The following SNTG1 variants were observed in gnomAD, a reference collection of about 807,000 sequenced individuals.
SNTG1 encodes the protein syntrophin gamma 1, also known as gamma-1-syntrophin.
SNTG1 carries 39 observed loss-of-function variants against 74.7 expected under a neutral mutation model. The observed-to-expected ratio is 0.52, with a 90% CI of 0.40 to 0.68. SNTG1 has a LOEUF of 0.68. SNTG1 is among the 30% of genes least tolerant of loss of function. SNTG1 has a pLI of 0.00. For synonymous variants in SNTG1, 254 were observed against 217.1 expected (o/e 1.17, Z -1.49); for missense variants, 685 against 609.5 (o/e 1.12, Z -1.30).
At chr8:50,133,626 G>C (rs142665353) in intron 1 of SNTG1, among the ~76,000 whole-genome samples, 1 of 152,222 alleles carries the variant, frequency 6.6e-6, no homozygotes, top group African/African-American at 2.4e-5. Context: ...CCCCTTCCCA[G>C]CTTCCTCTGG....
chr8:50,282,090 A>G (rs2088492858), intron 2 of SNTG1, among the ~76,000 whole-genome samples: 2 of 152,244 alleles, frequency 1.3e-5, no homozygotes, highest in Middle Eastern at 3.4e-3. Context: ...GACAAATAAC[A>G]TCTCTGACCA....
chr8:50,052,576 G>T (rs946736755), intron 1 of SNTG1, among the ~76,000 whole-genome samples: 1 of 151,958 alleles, frequency 6.6e-6, no homozygotes, highest in African/African-American at 2.4e-5. Context: ...AGATAAGTTG[G>T]ATTTCATTAA....
In SNTG1 at chr8:50,240,781, A is replaced by G. The variant is rs138650102; in HGVS notation, c.-28+68146A>G. 1.6e-3 allele frequency among the ~76,000 whole-genome samples: 243 copies of G among 152,278 alleles called. 7 individuals carry two copies. Among genetic ancestry groups the G allele is most frequent in the Admixed American group, 0.013 (202 of 15,290 alleles). ...TAAACAAAGAAAATAAGTTTATATA[A>G]ACTAATGCTTAAACAAAGAAAACAA... On this transcript the variant is annotated intron_variant, in intron 2 of 18. Coordinates refer to ENST00000642720, the MANE Select transcript of SNTG1 (RefSeq NM_018967.5).
At chr8:50,769,907 A>T (rs2095623036) in intron 18 of SNTG1, among the ~76,000 whole-genome samples, 1 of 152,158 alleles carries the variant, frequency 6.6e-6, no homozygotes, top group Non-Finnish European at 1.5e-5. Flanking sequence ...TGAAGCAAGC[A>T]GTTTAGCAGA....
chr8:50,241,751 A>G (rs1388696387), intron 2 of SNTG1, among the ~76,000 whole-genome samples: 1 of 152,200 alleles, frequency 6.6e-6, no homozygotes, highest in Non-Finnish European at 1.5e-5. Context: ...ATTGATGAGC[A>G]GGGTTAATGA....
At chr8:50,207,076 C>T (rs1301296611) in intron 2 of SNTG1, among the ~76,000 whole-genome samples, 1 of 152,098 alleles carries the variant, frequency 6.6e-6, no homozygotes, top group Non-Finnish European at 1.5e-5. Flanking sequence ...TGATGCTGGC[C>T]TCATAAAATG....
chr8:50,568,778 G>T (rs763187678), intron 12 of SNTG1: 8 of 152,020 alleles, frequency 5.3e-5, no homozygotes, highest in African/African-American at 1.2e-4. Context: ...TCTTTACTTT[G>T]TTAATTGTTT....
chr8:50,258,106 C>T (rs1207512823), intron 2 of SNTG1, among the ~76,000 whole-genome samples: 2 of 152,176 alleles, frequency 1.3e-5, no homozygotes, highest in Non-Finnish European at 2.9e-5. Flanking sequence ...TAGCTAGTAA[C>T]AAATGAAACA....
chr8:50,729,369 A>G (rs1245215978), intron 17 of SNTG1, among the ~76,000 whole-genome samples: 1 of 152,234 alleles, frequency 6.6e-6, no homozygotes, highest in Non-Finnish European at 1.5e-5. Context: ...AATGGTAAGC[A>G]GATTTGCTGG....
intron 1 of SNTG1, among the ~76,000 whole-genome samples, chr8:50,001,734 G>A (rs1316568398): frequency 6.6e-6 from 1 of 152,182 alleles, no homozygotes; most frequent in East Asian, 1.9e-4. Context: ...TCAGGAAGTA[G>A]CACTCTGCTA....
At chr8:49,952,978 ATTTGTTG>A (rs2129393908) in intron 1 of SNTG1, among the ~76,000 whole-genome samples, 2 of 152,310 alleles carry the variant, frequency 1.3e-5, no homozygotes, top group Admixed American at 1.3e-4. Flanking sequence ...ATGTAGATAA[ATTTGTTG>A]CCTTCCATGC....
At chr8:50,101,120 T>G (rs564489351) in intron 1 of SNTG1, among the ~76,000 whole-genome samples, 5 of 152,290 alleles carry the variant, frequency 3.3e-5, no homozygotes, top group African/African-American at 1.2e-4. Context: ...CTCACTCTTT[T>G]TTATGGCTGC....
chr8:50,603,676 C>A (rs544803388), intron 13 of SNTG1, among the ~76,000 whole-genome samples: 7 of 152,070 alleles, frequency 4.6e-5, no homozygotes, highest in Non-Finnish European at 1.0e-4. Context: ...TCCAGCTATT[C>A]GATGCAACTT....
intron 2 of SNTG1, among the ~76,000 whole-genome samples, chr8:50,245,106 C>T (rs34431441): frequency 0.15 from 22,107 of 152,032 alleles, 1,946 homozygotes; most frequent in Middle Eastern, 0.26. Flanking sequence ...TGCATGTGTA[C>T]GCAGCAATAA....
intron 1 of SNTG1, among the ~76,000 whole-genome samples, chr8:50,052,283 A>G (rs929176450): frequency 6.6e-6 from 1 of 152,092 alleles, no homozygotes; most frequent in Non-Finnish European, 1.5e-5. Flanking sequence ...ACTAAAATTC[A>G]TTGTTACAAC....
chr8:50,141,037 C>T (rs1024299943), intron 1 of SNTG1, among the ~76,000 whole-genome samples: 4 of 152,202 alleles, frequency 2.6e-5, no homozygotes, highest in East Asian at 3.9e-4. Flanking sequence ...ACCAGACCCA[C>T]TGGAACAGAA....
At chr8:50,008,358 A>G (rs944991781) in intron 1 of SNTG1, among the ~76,000 whole-genome samples, 1 of 152,162 alleles carries the variant, frequency 6.6e-6, no homozygotes, top group Non-Finnish European at 1.5e-5. Flanking sequence ...TAATATGTAC[A>G]CATTTCTTAG....
chr8:50,058,734 TTG>T (rs71235777), intron 1 of SNTG1, among the ~76,000 whole-genome samples: 5,254 of 144,936 alleles, frequency 0.036, 102 homozygotes, highest in South Asian at 0.041. Context: ...TTACTTACAT[TTG>T]TGTGTGTGTG....
chr8:50,389,042 A>G (rs915769446), intron 2 of SNTG1, among the ~76,000 whole-genome samples: 2 of 152,300 alleles, frequency 1.3e-5, no homozygotes, highest in Admixed American at 1.3e-4. Context: ...GGCCAGGCCA[A>G]CAGGGCAGCA....
Sources: allele counts gnomAD v4.1 joint callset (sites outside exome capture counted in the v4.1 genomes callset), GRCh38; gene constraint gnomAD v4.1.1; transcripts MANE v1.5; gene names NCBI Gene and HGNC (gene_info 2026-07-23, HGNC 2026-07-21).